Variants in XIRP2 observed in about 807,000 individuals in gnomAD.
XIRP2 encodes the protein xin actin-binding repeat-containing protein 2.
XIRP2 carries 236 observed loss-of-function variants against 277.0 expected under a neutral mutation model. The ratio of observed to expected loss-of-function variants is 0.85; its 90% CI spans 0.77 to 0.95. The LOEUF (loss-of-function observed/expected upper bound fraction) is 0.95. Ranked by LOEUF, XIRP2 falls within the 40% of genes least tolerant of loss-of-function variation. The pLI is 0.00. For synonymous variants in XIRP2, 1,490 were observed against 1,416.5 expected (o/e 1.05, Z -1.17); for missense variants, 4,640 against 4,157.5 (o/e 1.12, Z -3.19).
At chr2:167,082,200 GT>G (rs1412496641) in intron 2 of XIRP2, among the ~76,000 whole-genome samples, 3 of 151,246 alleles carry the variant, frequency 2.0e-5, no homozygotes, top group Non-Finnish European at 4.4e-5. Context: ...GCGGTGTTTG[GT>G]TTTTTGTTCT....
At chr2:167,012,118 G>T (rs1574161225) in intron 2 of XIRP2, among the ~76,000 whole-genome samples, 1 of 151,900 alleles carries the variant, frequency 6.6e-6, no homozygotes, top group East Asian at 1.9e-4. Flanking sequence ...GAATGTGTTT[G>T]CTCTTGCTTT....
chr2:166,999,744 A>C (rs1220243539), intron 2 of XIRP2, among the ~76,000 whole-genome samples: 1 of 152,188 alleles, frequency 6.6e-6, no homozygotes, highest in African/African-American at 2.4e-5. Flanking sequence ...AAACTTAAGC[A>C]AGAGATAATT....
At chr2:166,911,765 G>A (rs1684707553) in intron 2 of XIRP2, among the ~76,000 whole-genome samples, 1 of 152,142 alleles carries the variant, frequency 6.6e-6, no homozygotes, top group African/African-American at 2.4e-5. Context: ...TCCTTTCCAT[G>A]TTTAGTGCTT....
At chr2:167,253,458 T>TTAAGATACCAACTG (rs1695572622) in intron 9 of XIRP2, among the ~76,000 whole-genome samples, 1 of 151,884 alleles carries the variant, frequency 6.6e-6, no homozygotes. Flanking sequence ...TGCATTACAA[T>TTAAGATACCAACTG]TAAGAGTTGG....
intron 2 of XIRP2, among the ~76,000 whole-genome samples, chr2:167,086,171 G>A (rs1421254953): frequency 1.3e-5 from 2 of 152,048 alleles, no homozygotes; most frequent in Admixed American, 6.6e-5. Context: ...TTGCTTGTCT[G>A]TAAAGTATTT....
chr2:167,082,111 A>T (rs1558972393), intron 2 of XIRP2, among the ~76,000 whole-genome samples: 1 of 90,398 alleles, frequency 1.1e-5, no homozygotes, highest in Admixed American at 1.4e-4. Flanking sequence ...TCTACCCACC[A>T]CAGTCCCCAG....
intron 1 of XIRP2, among the ~76,000 whole-genome samples, chr2:166,901,700 T>C (rs1684390808): frequency 6.6e-6 from 1 of 152,154 alleles, no homozygotes; most frequent in Non-Finnish European, 1.5e-5. Flanking sequence ...TAACAGCATA[T>C]GTTGTTTAAA....
At chr2:167,066,402 T>C (rs748681292) in intron 2 of XIRP2, among the ~76,000 whole-genome samples, 1 of 151,808 alleles carries the variant, frequency 6.6e-6, no homozygotes, top group Admixed American at 6.6e-5. Flanking sequence ...ATCAGGAAAA[T>C]GCACATCAAA....
chr2:167,186,731 A>G (rs753742171), intron 3 of XIRP2, among the ~76,000 whole-genome samples: 1 of 151,826 alleles, frequency 6.6e-6, no homozygotes, highest in Admixed American at 6.6e-5. Context: ...TTTAAAGCCA[A>G]TATTAATGAG....
chr2:166,985,461 G>T, intron 2 of XIRP2, among the ~76,000 whole-genome samples: 1 of 149,976 alleles, frequency 6.7e-6, no homozygotes, highest in African/African-American at 2.5e-5. Flanking sequence ...TGGAGATAGA[G>T]TCTCTGTCGC....
chr2:167,114,477 G>A (rs1031703598), intron 2 of XIRP2, among the ~76,000 whole-genome samples: 9 of 151,726 alleles, frequency 5.9e-5, no homozygotes, highest in African/African-American at 2.2e-4. Context: ...TAAGTTTTAG[G>A]GTACATGTGC....
At chr2:167,007,860 G>C (rs916371618) in intron 2 of XIRP2, among the ~76,000 whole-genome samples, 3 of 151,396 alleles carry the variant, frequency 2.0e-5, no homozygotes, top group Non-Finnish European at 4.4e-5. Flanking sequence ...ATGTGGAAGG[G>C]GAAGTATTAG....
At chr2:166,935,983 G>T (rs145395073) in intron 2 of XIRP2, among the ~76,000 whole-genome samples, 3,473 of 152,226 alleles carry the variant, frequency 0.023, 55 homozygotes, top group Non-Finnish European at 0.036. Context: ...TTGAGGAATC[G>T]CCATACTGTC....
chr2:167,251,338 A>AGAGCACAC lies in XIRP2; in HGVS notation c.9946_9947insGAGCACAC (p.Asn3316ArgfsTer14), dbSNP rs1365543830. 13 of 1,613,664 alleles carry AGAGCACAC rather than the reference A, an allele frequency of 8.1e-6. No individual in the cohort carries two copies. The highest frequency in any genetic ancestry group is 1.1e-5 in the Non-Finnish European group (13 of 1,179,712). Reference sequence around the variant, plus strand: ...GCACACACAGAGATATGAAGCGGCCAACCGAACTGTTCAAATGGCTGAAAA... The same window carrying AGAGCACAC: ...GCACACACAGAGATATGAAGCGGCCAGAGCACACACCGAACTGTTCAAATGGCTGAAAA... On this transcript the variant is annotated frameshift_variant, in exon 9 of 11. Coordinates refer to ENST00000409195, the MANE Select transcript of XIRP2 (RefSeq NM_152381.6). LOFTEE classifies it high-confidence loss of function.
intron 3 of XIRP2, among the ~76,000 whole-genome samples, chr2:167,154,533 T>C (rs1692124296): frequency 6.6e-6 from 1 of 151,868 alleles, no homozygotes; most frequent in Admixed American, 6.6e-5. Context: ...AGGGTTTCTA[T>C]GGTTTTAGGT....
chr2:166,893,094 A>G (rs1684149902), intron 1 of XIRP2, among the ~76,000 whole-genome samples: 1 of 151,904 alleles, frequency 6.6e-6, no homozygotes, highest in Admixed American at 6.6e-5. Flanking sequence ...AGATGACTGC[A>G]GTAAACTGAC....
intron 2 of XIRP2, among the ~76,000 whole-genome samples, chr2:167,072,177 T>A (rs1360454383): frequency 6.6e-6 from 1 of 152,206 alleles, no homozygotes; most frequent in Admixed American, 6.5e-5. Context: ...TGTGTCTGTG[T>A]ATGTGTGAAT....
At chr2:167,025,915 A>T (rs1431663980) in intron 2 of XIRP2, among the ~76,000 whole-genome samples, 10 of 152,016 alleles carry the variant, frequency 6.6e-5, no homozygotes, top group Non-Finnish European at 1.5e-4. Context: ...GTGGTGCTGA[A>T]AAAAATGTAT....
intron 2 of XIRP2, among the ~76,000 whole-genome samples, chr2:167,017,511 GC>G (rs1157054167): frequency 6.6e-6 from 1 of 151,894 alleles, no homozygotes; most frequent in Non-Finnish European, 1.5e-5. Flanking sequence ...AGTCCATTAT[GC>G]TTTTGTAGCA....
Sources: allele counts gnomAD v4.1 joint callset (sites outside exome capture counted in the v4.1 genomes callset), GRCh38; gene constraint gnomAD v4.1.1; transcripts MANE v1.5; gene names NCBI Gene and HGNC (gene_info 2026-07-23, HGNC 2026-07-21).